The following KCNIP4 variants were observed in gnomAD, a reference collection of about 807,000 sequenced individuals.
KCNIP4 encodes Kv channel-interacting protein 4.
In KCNIP4, 12 loss-of-function variants were observed where a neutral mutation model predicts 34.0. The ratio of observed to expected loss-of-function variants is 0.35; its 90% confidence interval spans 0.23 to 0.57. KCNIP4 has a LOEUF of 0.57. Ranked by LOEUF, KCNIP4 falls within the 20% of genes least tolerant of loss-of-function variation. The pLI is 0.83. For missense variants in KCNIP4, 238 were observed against 311.7 expected (o/e 0.76, Z 1.78); for synonymous variants, 124 against 102.2 (o/e 1.21, Z -1.29).
At chr4:21,685,541 C>G (rs181586125) in intron 1 of KCNIP4, among the ~76,000 whole-genome samples, 39 of 152,246 alleles carry the variant, frequency 2.6e-4, no homozygotes, top group Admixed American at 2.1e-3. Context: ...GAGCAATGTG[C>G]TTGTGGAATG....
intron 1 of KCNIP4, among the ~76,000 whole-genome samples, chr4:21,712,559 A>T (rs1482796657): frequency 6.6e-6 from 1 of 152,180 alleles, no homozygotes; most frequent in Non-Finnish European, 1.5e-5. Flanking sequence ...TTATTCTCAC[A>T]AAAGTTCTTA....
At chr4:21,172,692 T>G (rs1386388474) in intron 1 of KCNIP4, among the ~76,000 whole-genome samples, 1 of 152,166 alleles carries the variant, frequency 6.6e-6, no homozygotes, top group Non-Finnish European at 1.5e-5. Context: ...TGGTAAAACA[T>G]AATGGCATTT....
At chr4:21,175,152 C>T (rs1754311507) in intron 1 of KCNIP4, among the ~76,000 whole-genome samples, 1 of 151,394 alleles carries the variant, frequency 6.6e-6, no homozygotes, top group Admixed American at 6.6e-5. Flanking sequence ...AAAAAAAACT[C>T]TGCAATTGTA....
intron 1 of KCNIP4, among the ~76,000 whole-genome samples, chr4:20,927,777 T>C (rs1730043676): frequency 6.6e-6 from 1 of 152,200 alleles, no homozygotes; most frequent in Non-Finnish European, 1.5e-5. Context: ...CCTTATACCA[T>C]TTATGTTGTA....
chr4:21,175,771 C>T (rs1178214785), intron 1 of KCNIP4, among the ~76,000 whole-genome samples: 1 of 152,014 alleles, frequency 6.6e-6, no homozygotes, highest in African/African-American at 2.4e-5. Flanking sequence ...CGCAGAATGC[C>T]ATGCAGTTTA....
intron 1 of KCNIP4, among the ~76,000 whole-genome samples, chr4:20,895,205 A>G (rs567571093): frequency 2.0e-5 from 3 of 152,288 alleles, no homozygotes; most frequent in African/African-American, 7.2e-5. Flanking sequence ...TCTTTGTGGT[A>G]TGGTTTTAAT....
At chr4:21,118,528 C>A (rs1286144403) in intron 1 of KCNIP4, among the ~76,000 whole-genome samples, 1 of 152,166 alleles carries the variant, frequency 6.6e-6, no homozygotes, top group African/African-American at 2.4e-5. Flanking sequence ...CCGTGTCTGC[C>A]TTTGAGTCTT....
chr4:21,288,054 G>A (rs1015001931), intron 1 of KCNIP4, among the ~76,000 whole-genome samples: 1 of 152,100 alleles, frequency 6.6e-6, no homozygotes, highest in Admixed American at 6.6e-5. Flanking sequence ...ATGCTTGTGG[G>A]TTTACTGGAG....
At chr4:21,209,098 A>G (rs557268953) in intron 1 of KCNIP4, among the ~76,000 whole-genome samples, 3 of 152,300 alleles carry the variant, frequency 2.0e-5, no homozygotes, top group South Asian at 2.1e-4. Context: ...CAACAAAACC[A>G]TATCATCTTT....
intron 1 of KCNIP4, among the ~76,000 whole-genome samples, chr4:21,608,188 G>T (rs532817398): frequency 6.6e-6 from 1 of 152,114 alleles, no homozygotes; most frequent in African/African-American, 2.4e-5. Context: ...CACAACCTTA[G>T]AAGCTTAAAG....
chr4:20,988,642 A>G (rs541477174), intron 1 of KCNIP4, among the ~76,000 whole-genome samples: 10 of 152,258 alleles, frequency 6.6e-5, no homozygotes, highest in Non-Finnish European at 1.3e-4. Flanking sequence ...CTTCAAATAC[A>G]TAGAATCACA....
At chr4:21,773,732 G>GTT (rs1337547042) in intron 1 of KCNIP4, among the ~76,000 whole-genome samples, 2,391 of 70,762 alleles carry the variant, frequency 0.034, 102 homozygotes, top group African/African-American at 0.16. Context: ...TGCAACCCCT[G>GTT]TTTTTTTTTG....
intron 1 of KCNIP4, among the ~76,000 whole-genome samples, chr4:20,965,877 G>A (rs185855832): frequency 6.6e-6 from 1 of 152,122 alleles, no homozygotes; most frequent in African/African-American, 2.4e-5. Context: ...ACTATTTTGA[G>A]CTTTAAACTT....
chr4:21,038,317 G>C (rs1423498021), intron 1 of KCNIP4, among the ~76,000 whole-genome samples: 1 of 152,090 alleles, frequency 6.6e-6, no homozygotes, highest in African/African-American at 2.4e-5. Context: ...ATTATTCTCA[G>C]ATTATCACTA....
intron 1 of KCNIP4, among the ~76,000 whole-genome samples, chr4:21,394,740 T>G (rs1009613590): frequency 1.3e-5 from 2 of 152,158 alleles, no homozygotes; most frequent in Admixed American, 6.5e-5. Flanking sequence ...AGATCATCCT[T>G]TGACTTGAAC....
At chr4:21,276,989 G>A (rs981817605) in intron 1 of KCNIP4, among the ~76,000 whole-genome samples, 1 of 152,172 alleles carries the variant, frequency 6.6e-6, no homozygotes, top group Non-Finnish European at 1.5e-5. Context: ...TGTGATAAAA[G>A]CCATATGCTA....
At chr4:21,135,491 G>T (rs1216681942) in intron 1 of KCNIP4, among the ~76,000 whole-genome samples, 1 of 152,106 alleles carries the variant, frequency 6.6e-6, no homozygotes, top group Non-Finnish European at 1.5e-5. Flanking sequence ...ACTTTTTAGT[G>T]TAGAACTTAC....
At chr4:20,877,864 T>C (rs143740095) in intron 2 of KCNIP4, among the ~76,000 whole-genome samples, 4 of 152,318 alleles carry the variant, frequency 2.6e-5, no homozygotes, top group African/African-American at 9.6e-5. Flanking sequence ...TGTGGGATTC[T>C]GCTCAAATCA....
At chr4:21,826,780 C>G (rs371184027) in intron 1 of KCNIP4, among the ~76,000 whole-genome samples, 1 of 152,016 alleles carries the variant, frequency 6.6e-6, no homozygotes, top group Non-Finnish European at 1.5e-5. Context: ...TATAAATTAA[C>G]TGTATAAATA....
Sources: gnomAD v4.1 joint callset for allele counts (sites outside exome capture counted in the v4.1 genomes callset) on GRCh38, gnomAD v4.1.1 for gene constraint, MANE v1.5 for transcripts, NCBI Gene and HGNC (gene_info 2026-07-23, HGNC 2026-07-21) for gene names.